ELSPBP1: variants seen among roughly 807,000 people sequenced by gnomAD.
The protein encoded by ELSPBP1 is epididymal sperm binding protein 1.
ELSPBP1 carries 38 observed loss-of-function variants against 33.3 expected under a neutral mutation model. The observed-to-expected ratio is 1.14, with a 90% CI of 0.88 to 1.50. The LOEUF (loss-of-function observed/expected upper bound fraction) is 1.50, where lower values mean the gene tolerates loss of function less well. Ranked by LOEUF, ELSPBP1 falls within the 40% of genes most tolerant of loss-of-function variation. The pLI is 0.00. For synonymous variants in ELSPBP1, 85 were observed against 94.1 expected, an observed-to-expected ratio of 0.90 and a Z score of 0.56; for missense variants, 267 against 263.5, an observed-to-expected ratio of 1.01 and a Z score of -0.09.
intron 5 of ELSPBP1, among the ~76,000 whole-genome samples, chr19:48,021,264 G>C (rs1377499775): frequency 6.6e-6 from 1 of 152,166 alleles, no homozygotes; most frequent in East Asian, 1.9e-4. Context: ...TCAGCCAAGG[G>C]GGAACAAGGG....
rs1967126848 is a variant in ELSPBP1 at position 48,015,935 on chromosome 19, C to T, written c.251C>T (p.Ala84Val). ...TTCCCTTTCATCTATCGAGGAAAGG[C>T]TTATAACAGCTGCATCTCCCAGGGC... The part of the protein sequence containing the change: ...CIFPFIYRGK[A>V]YNSCISQGSF... The change falls in exon 4 of 7, where the codon GCT becomes GTT. Residue 84 changes from alanine (A) to valine (V), a missense_variant. By Grantham distance (64) the Ala-to-Val change is moderately conservative (BLOSUM62 0). Coordinates refer to ENST00000339841, the MANE Select transcript of ELSPBP1 (RefSeq NM_022142.5). 1.9e-6 allele frequency: 3 copies of T among 1,613,774 alleles called. No individual in the cohort carries two copies. The highest frequency in any genetic ancestry group is 1.3e-5 in the African/African-American group (1 of 74,918).
intron 2 of ELSPBP1, among the ~76,000 whole-genome samples, chr19:48,013,855 G>A (rs899727713): frequency 1.3e-5 from 2 of 152,172 alleles, no homozygotes; most frequent in African/African-American, 4.8e-5. Context: ...AGTTGCTGGT[G>A]AGGGCCTGCC....
At chr19:48,004,758 G>T (rs1397469368) in intron 1 of ELSPBP1, among the ~76,000 whole-genome samples, 7 of 152,210 alleles carry the variant, frequency 4.6e-5, no homozygotes, top group Admixed American at 3.3e-4. Context: ...CTTCATATCT[G>T]TCTCCTTGGT....
chr19:48,023,532 GAAGGAAA>G (rs1967235122), intron 6 of ELSPBP1, among the ~76,000 whole-genome samples: 6 of 108,092 alleles, frequency 5.6e-5, no homozygotes, highest in South Asian at 3.2e-4. Flanking sequence ...AGGAAGGGAG[GAAGGAAA>G]GAAGGAAGAA....
intron 1 of ELSPBP1, among the ~76,000 whole-genome samples, chr19:47,995,254 T>C (rs1568401692): frequency 6.6e-6 from 1 of 152,122 alleles, no homozygotes; most frequent in Non-Finnish European, 1.5e-5. Flanking sequence ...GTGGGTGAGG[T>C]CCTTTCTCTG....
intron 3 of ELSPBP1, 109 bp downstream of exon 3, chr19:48,014,417 T>C (rs1967109947): frequency 8.1e-7 from 1 of 1,234,274 alleles, no homozygotes; most frequent in Non-Finnish European, 1.1e-6. Context: ...CAAACGGTAA[T>C]ACGTATGCGT....
chr19:48,022,790 C>G (rs996422871), intron 6 of ELSPBP1, among the ~76,000 whole-genome samples: 1 of 151,820 alleles, frequency 6.6e-6, no homozygotes, highest in Non-Finnish European at 1.5e-5. Flanking sequence ...GTGACTCACA[C>G]CTGTAATCCT....
rs1044345186 is a variant in ELSPBP1, at chr19:48,019,713, T to C, written c.356-6T>C. On this transcript the variant is annotated splice_region_variant and splice_polypyrimidine_tract_variant and intron_variant, in intron 4 of 6. Coordinates refer to ENST00000339841, the MANE Select transcript of ELSPBP1 (RefSeq NM_022142.5). ...TGACCCGTAACCTTTCCATAATCCT[T>C]TTCAGAGTATGGGGGAAATTCTCTC... 1 of 1,612,928 alleles carries C rather than the reference T, an allele frequency of 6.2e-7. No individual in the cohort carries two copies. The highest frequency in any genetic ancestry group is 1.3e-5 in the African/African-American group (1 of 74,858).
intron 5 of ELSPBP1, 116 bp from the exon 6 acceptor site, chr19:48,022,054 C>G: frequency 4.5e-6 from 4 of 897,938 alleles, no homozygotes; most frequent in Non-Finnish European, 6.8e-6. Context: ...GGATTAAAGG[C>G]GCGAACCACC....
Position 48,008,697 on chromosome 19 carries a change from A to T in ELSPBP1, c.30A>T (p.Gly10=). Residue 10 remains glycine, a synonymous_variant, in exon 2 of 7, where the codon GGA becomes GGT. Transcript: ENST00000339841. ...CCCGATGGTCCAGTTACCTGTTGGG[A>T]TGGACAACCTTCCTTCTCTATTCCT... MTRWSSYLL[G]WTTFLLYSYE... 1 of 1,613,922 alleles carries T rather than the reference A, an allele frequency of 6.2e-7. No individual in the cohort carries two copies. Among genetic ancestry groups the T allele is most frequent in the East Asian group, 2.2e-5 (1 of 44,878 alleles).
Position 48,015,896 on chromosome 19 carries a change from A to G in ELSPBP1, c.212A>G (p.Tyr71Cys). The stretch of plus-strand genomic sequence containing the variant: ...TCACGAACTCTGTTCCTAACAGATT[A>G]CCCACGCTGTATCTTCCCTTTCATC... ...GQWKYCQSED[Y>C]PRCIFPFIYR... Residue 71 changes from tyrosine (Y) to cysteine (C), a missense_variant, in exon 4 of 7, where the codon TAC (tyrosine) becomes TGC (cysteine). By Grantham distance (194) the Tyr-to-Cys change is radical (BLOSUM62 -2). Coordinates refer to ENST00000339841, the MANE Select transcript of ELSPBP1 (RefSeq NM_022142.5). The G allele has an allele frequency of 6.2e-7, 1 of 1,607,028 alleles. No individual in the cohort carries two copies. The highest frequency in any genetic ancestry group is 8.5e-7 in the Non-Finnish European group (1 of 1,174,210).
At chr19:48,024,255 G>T (rs1238771227) in intron 6 of ELSPBP1, among the ~76,000 whole-genome samples, 5 of 152,016 alleles carry the variant, frequency 3.3e-5, no homozygotes, top group African/African-American at 1.2e-4. Flanking sequence ...TGAAGCAGGT[G>T]GTGCAGAGGG....
intron 1 of ELSPBP1, among the ~76,000 whole-genome samples, chr19:47,998,944 C>A (rs1314496073): frequency 6.6e-6 from 1 of 152,190 alleles, no homozygotes; most frequent in African/African-American, 2.4e-5. Context: ...GCGGGAGGCC[C>A]ACCCTAAGGG....
At chr19:48,002,662 C>G (rs11665714) in intron 1 of ELSPBP1, among the ~76,000 whole-genome samples, 44 of 152,158 alleles carry the variant, frequency 2.9e-4, no homozygotes, top group African/African-American at 1.0e-3. Context: ...CGTGATGGCT[C>G]GTGCCTGTAA....
At chr19:48,001,605 GGA>G (rs1966968676) in intron 1 of ELSPBP1, among the ~76,000 whole-genome samples, 1 of 151,106 alleles carries the variant, frequency 6.6e-6, no homozygotes. Context: ...CACCCAGGCT[GGA>G]TCATAGCTCA....
chr19:48,021,146 G>A (rs1421895532), intron 5 of ELSPBP1, among the ~76,000 whole-genome samples: 1 of 152,062 alleles, frequency 6.6e-6, no homozygotes. Flanking sequence ...GTGCCTACTC[G>A]CTAAACTTTG....
chr19:47,999,822 ATT>A (rs112563506), intron 1 of ELSPBP1, among the ~76,000 whole-genome samples: 582 of 137,264 alleles, frequency 4.2e-3, no homozygotes, highest in African/African-American at 0.014. Flanking sequence ...CACATACGTG[ATT>A]TTTTTTTTTT....
intron 1 of ELSPBP1, among the ~76,000 whole-genome samples, chr19:48,006,540 G>A (rs899443770): frequency 4.1e-5 from 6 of 146,180 alleles, no homozygotes; most frequent in Non-Finnish European, 8.9e-5. Flanking sequence ...CTTGAGCCTG[G>A]CAGATGGAGG....
intron 1 of ELSPBP1, among the ~76,000 whole-genome samples, chr19:47,998,610 C>G (rs965516849): frequency 6.6e-6 from 1 of 151,718 alleles, no homozygotes; most frequent in African/African-American, 2.4e-5. Flanking sequence ...CACAGTGAAA[C>G]CCCGTCTTTA....
Sources: allele counts gnomAD v4.1 joint callset (sites outside exome capture counted in the v4.1 genomes callset), GRCh38; gene constraint gnomAD v4.1.1; transcripts MANE v1.5; gene names NCBI Gene and HGNC (gene_info 2026-07-23, HGNC 2026-07-21).